Variants in BOC observed in about 807,000 individuals in gnomAD.
BOC encodes the protein brother of CDO.
Under a neutral mutation model 112.0 loss-of-function variants are expected in BOC, and 76 were observed. The ratio of observed to expected loss-of-function variants is 0.68; its 90% confidence interval spans 0.56 to 0.82. BOC has a LOEUF of 0.82. Ranked by LOEUF, BOC falls within the 40% of genes least tolerant of loss-of-function variation. BOC has a pLI of 0.00. For missense variants in BOC, 1,309 were observed against 1,511.7 expected, an observed-to-expected ratio of 0.87 and a Z score of 2.22; for synonymous variants, 580 against 599.8, an observed-to-expected ratio of 0.97 and a Z score of 0.48.
At chr3:113,266,193 A>G (rs59383183) in intron 4 of BOC, among the ~76,000 whole-genome samples, 115 of 152,330 alleles carry the variant, frequency 7.5e-4, no homozygotes, top group African/African-American at 2.7e-3. Context: ...TCAGACAGCC[A>G]ATCTCTGTTT....
At chr3:113,271,509 C>T (rs1392595352) in intron 6 of BOC, 7 of 283,278 alleles carry the variant, frequency 2.5e-5, no homozygotes, top group South Asian at 3.6e-5. Flanking sequence ...ACATCTTACA[C>T]GGAGTTAGGC....
chr3:113,236,429 C>T lies in BOC; in HGVS notation c.-81-13293C>T, dbSNP rs191419002. On this transcript the variant is annotated intron_variant, in intron 2 of 19. Transcript: ENST00000682979. Reference sequence around the variant, plus strand: ...TAACTCAGAAACAAAAAGCCAAATACCACATGTTCTCACTTGTAAATGGGA... The same window carrying T: ...TAACTCAGAAACAAAAAGCCAAATATCACATGTTCTCACTTGTAAATGGGA... 4.2e-3 allele frequency among the ~76,000 whole-genome samples: 606 copies of T among 144,690 alleles called. 6 individuals carry two copies. Among genetic ancestry groups the T allele is most frequent in the Middle Eastern group, 0.011 (3 of 284 alleles). The allele number at this position is 144,690 out of a possible 152,430, so 94.9% of individuals were successfully genotyped here.
At chr3:113,281,253 G>T in intron 15 of BOC, 100 bp downstream of exon 15, 1 of 1,413,860 alleles carries the variant, frequency 7.1e-7, no homozygotes, top group East Asian at 2.4e-5. Flanking sequence ...CTCTTTCCCA[G>T]GAAGACTCTT....
rs13066489 is a variant in BOC at position 113,278,878 on chromosome 3, T to G, written c.1816+95T>G. 152,918 of 1,061,444 alleles carry G rather than the reference T, an allele frequency of 0.14. 12,986 individuals carry two copies. The highest frequency in any genetic ancestry group is 0.24 in the Middle Eastern group (924 of 3,834). The allele number at this position is 1,061,444 out of a possible 1,614,324, so 65.8% of individuals were successfully genotyped here. A position where few individuals can be genotyped will look rare whatever the true frequency, so the allele number is the denominator to read the frequency against. On this transcript the variant is annotated intron_variant, in intron 11 of 19. Transcript: ENST00000682979. This position sits in a 1 kb window ranked among gnomAD's most constrained non-coding sequence, Gnocchi z 4.2. ...CTGAATGGGGTCTTGCTTCTGTAGGTCCAGGGTTTTTATGACATCTCCCAG... is the reference window on the plus strand; with the variant it reads ...CTGAATGGGGTCTTGCTTCTGTAGGGCCAGGGTTTTTATGACATCTCCCAG...
Position 113,273,224 on chromosome 3 carries a change from C to A in BOC, c.1117C>A (p.Arg373Ser). 1 of 1,613,698 alleles carries A rather than the reference C, an allele frequency of 6.2e-7. No homozygotes were observed. The highest frequency in any genetic ancestry group is 8.5e-7 in the Non-Finnish European group (1 of 1,180,018). The change falls in exon 8 of 20, where the codon CGC becomes AGC. Residue 373 changes from arginine (R) to serine (S), a missense_variant. Transcript: ENST00000682979. ...CTCCAGCCAGCGCCTCCGGCTCTCC[C>A]GCAGGGCCCTGCGCGTGCTCAGCAT... ...LISSQRLRLS[R>S]RALRVLSMGP...
At chr3:113,281,270 C>A in intron 15 of BOC, 117 bp downstream of exon 15, 1 of 1,249,674 alleles carries the variant, frequency 8.0e-7, no homozygotes, top group Non-Finnish European at 1.1e-6. Flanking sequence ...TCTTTGTTTT[C>A]CAAATACCCT....
At chr3:113,254,232 G>C (rs74812727) in intron 4 of BOC, among the ~76,000 whole-genome samples, 1 of 152,184 alleles carries the variant, frequency 6.6e-6, no homozygotes, top group Non-Finnish European at 1.5e-5. Context: ...TGAAAGCCAA[G>C]AACTATTGGC....
chr3:113,262,389 G>T (rs1946987988), intron 4 of BOC, among the ~76,000 whole-genome samples: 1 of 152,194 alleles, frequency 6.6e-6, no homozygotes, highest in Admixed American at 6.5e-5. Flanking sequence ...TTTCTTCTTT[G>T]TATTTTCTGC....
chr3:113,246,201 T>C (rs774608988), intron 2 of BOC, among the ~76,000 whole-genome samples: 8 of 152,194 alleles, frequency 5.3e-5, no homozygotes, highest in Admixed American at 2.6e-4. Flanking sequence ...ATTTTCTTTC[T>C]TTTTTTGTGT....
chr3:113,215,582 C>T (rs1004665272), intron 1 of BOC, among the ~76,000 whole-genome samples: 3 of 152,200 alleles, frequency 2.0e-5, no homozygotes, highest in Non-Finnish European at 4.4e-5. Flanking sequence ...ATGCCCTTGA[C>T]AATTGTTGCT....
Position 113,286,775 on chromosome 3 carries a change from G to T in BOC, c.3261G>T (p.Gly1087=), listed in dbSNP as rs878998683. Residue 1087 remains glycine, a synonymous_variant, in exon 20 of 20, where the codon GGG becomes GGT. Coordinates refer to ENST00000682979, the MANE Select transcript of BOC (RefSeq NM_001378074.1). ...GGDWCPQHPV[G]AYVGQEPGMQ... is the part of the protein sequence containing the mutation. ...ACTGGTGTCCCCAGCACCCCGTAGGGGCCTACGTAGGACAGGAACCTGGAA... is the reference window on the plus strand; with the variant it reads ...ACTGGTGTCCCCAGCACCCCGTAGGTGCCTACGTAGGACAGGAACCTGGAA... 1.9e-6 allele frequency: 3 copies of T among 1,613,732 alleles called. No homozygotes were observed. The highest frequency in any genetic ancestry group is 2.2e-5 in the South Asian group (2 of 91,050).
intron 2 of BOC, among the ~76,000 whole-genome samples, chr3:113,227,993 C>A (rs370636426): frequency 3.0e-4 from 46 of 152,260 alleles, no homozygotes; most frequent in African/African-American, 1.1e-3. Context: ...TTTCTACCAC[C>A]TTCCAACAGT....
At chr3:113,217,701 T>C (rs1468548617) in intron 2 of BOC, among the ~76,000 whole-genome samples, 1 of 152,172 alleles carries the variant, frequency 6.6e-6, no homozygotes, top group African/African-American at 2.4e-5. Context: ...TAAAACTCAT[T>C]TTCCTCAGTG....
intron 2 of BOC, among the ~76,000 whole-genome samples, chr3:113,218,160 T>C (rs2107593285): frequency 6.6e-6 from 1 of 152,326 alleles, no homozygotes; most frequent in East Asian, 1.9e-4. Flanking sequence ...AAGCGGAGCC[T>C]GTGGAACCGG....
At chr3:113,250,040 A>G in intron 3 of BOC, 141 bp downstream of exon 3, 1 of 699,550 alleles carries the variant, frequency 1.4e-6, no homozygotes, top group South Asian at 1.7e-5. Context: ...ACACAAGAAC[A>G]CAAGATGAGA....
rs146449225 is a variant in BOC at position 113,274,626 on chromosome 3, C to T, written c.1486C>T (p.Arg496Trp). 7 of 1,610,612 alleles carry T rather than the reference C, an allele frequency of 4.3e-6. No individual in the cohort carries two copies. The highest frequency in any genetic ancestry group is 5.9e-6 in the Non-Finnish European group (7 of 1,177,684). Residue 496 changes from arginine (R) to tryptophan (W), a missense_variant, in exon 9 of 20, where the codon CGG (arginine) becomes TGG (tryptophan). Coordinates refer to ENST00000682979, the MANE Select transcript of BOC (RefSeq NM_001378074.1). This position sits in a 1 kb window ranked among gnomAD's most constrained non-coding sequence, Gnocchi z 4.8. ...CTCATATGAACTGGTGTGGCGGCCTCGGCATGAGGGCAGTGGCCGGGCGCC... is the reference window on the plus strand; with the variant it reads ...CTCATATGAACTGGTGTGGCGGCCTTGGCATGAGGGCAGTGGCCGGGCGCC... ...TDSYELVWRP[R>W]HEGSGRAPIL...
At chr3:113,270,737 G>A (rs972586476) in intron 5 of BOC, 64 bp from the exon 6 acceptor site, 3 of 1,528,844 alleles carry the variant, frequency 2.0e-6, no homozygotes, top group Admixed American at 2.0e-5. Flanking sequence ...TCTCCTTTGT[G>A]GAAGCTGCAG....
At chr3:113,222,038 C>G (rs1471028049) in intron 2 of BOC, among the ~76,000 whole-genome samples, 2 of 152,242 alleles carry the variant, frequency 1.3e-5, no homozygotes. Flanking sequence ...ATCAGGCCCC[C>G]TGCTTTCATG....
intron 2 of BOC, among the ~76,000 whole-genome samples, chr3:113,219,854 C>T (rs552406001): frequency 3.3e-5 from 5 of 152,268 alleles, no homozygotes; most frequent in African/African-American, 4.8e-5. Context: ...GTGGTGAAAG[C>T]GACCTCCAAC....
Sources: allele counts gnomAD v4.1 joint callset (sites outside exome capture counted in the v4.1 genomes callset), GRCh38; gene constraint gnomAD v4.1.1; non-coding constraint Gnocchi (gnomAD v3.1); transcripts MANE v1.5; gene names NCBI Gene and HGNC (gene_info 2026-07-23, HGNC 2026-07-21).